CA8: variants seen among roughly 807,000 people sequenced by gnomAD.
The protein encoded by CA8 is carbonic anhydrase-related protein.
CA8 carries 22 observed loss-of-function variants against 41.4 expected under a neutral mutation model. That is an observed-to-expected ratio of 0.53 (90% CI 0.38 to 0.76). The LOEUF (loss-of-function observed/expected upper bound fraction) is 0.76. Among genes scored for constraint, CA8 ranks in the 30% least tolerant of loss-of-function variants. CA8 has a pLI of 0.00. For synonymous variants in CA8, 121 were observed against 130.6 expected (o/e 0.93, Z 0.50); for missense variants, 270 against 352.8 (o/e 0.77, Z 1.88).
In CA8 at chr8:60,281,097, T is replaced by A. The variant is rs771220749; in HGVS notation, c.51A>T (p.Glu17Asp). 1 of 1,608,162 alleles carries A rather than the reference T, an allele frequency of 6.2e-7. No homozygotes were observed. ...CCTCCTCTTCTTCCTCCTCATCCTC[T>A]TCCTTCTCGGGGAAGGCGACGGTAT... ...IEDTVAFPEK[E>D]EDEEEEEEGV... Residue 17 changes from glutamate to aspartate, a missense_variant, in exon 1 of 9, where the codon GAA becomes GAT. Coordinates refer to ENST00000317995, the MANE Select transcript of CA8 (RefSeq NM_004056.6).
intron 7 of CA8, among the ~76,000 whole-genome samples, chr8:60,219,808 A>G (rs1469697126): frequency 1.3e-5 from 2 of 152,074 alleles, no homozygotes; most frequent in East Asian, 3.9e-4. Flanking sequence ...CTAGGCCTCA[A>G]TCACCTCATC....
intron 7 of CA8, among the ~76,000 whole-genome samples, chr8:60,217,677 C>T (rs945154347): frequency 6.6e-6 from 1 of 152,192 alleles, no homozygotes; most frequent in Non-Finnish European, 1.5e-5. Flanking sequence ...ATGAAGGCTG[C>T]TCTTCCTCCT....
chr8:60,210,357 A>G (rs11998400), intron 7 of CA8, among the ~76,000 whole-genome samples: 55,803 of 152,072 alleles, frequency 0.37, 10,701 homozygotes, highest in Admixed American at 0.45. Flanking sequence ...ATTCATAAAG[A>G]GAAATGAAAC....
rs1019444020 is a variant in CA8 at position 60,187,692 on chromosome 8, A to C, written c.*2329T>G. 4.6e-5 allele frequency: 7 copies of C among 152,192 alleles called. No individual in the cohort carries two copies. The highest frequency in any genetic ancestry group is 8.8e-5 in the Non-Finnish European group (6 of 68,010). 9.4% of individuals were successfully genotyped at this position (152,192 alleles called of 1,614,324 possible). ...CACACCATCAGGTACGTTAGTTACC[A>C]TGAATCAGAGGCACTTACATGTGTA... On this transcript the variant is annotated 3_prime_UTR_variant, in exon 9 of 9. Transcript: ENST00000317995.
At chr8:60,215,183 A>G (rs1806972609) in intron 7 of CA8, among the ~76,000 whole-genome samples, 2 of 152,178 alleles carry the variant, frequency 1.3e-5, no homozygotes, top group African/African-American at 4.8e-5. Flanking sequence ...TTCTGTTGTT[A>G]GATTTGGTAA....
At chr8:60,228,219 T>C (rs143623891) in intron 4 of CA8, among the ~76,000 whole-genome samples, 3 of 152,348 alleles carry the variant, frequency 2.0e-5, no homozygotes, top group African/African-American at 7.2e-5. Flanking sequence ...TCCAAGAGTC[T>C]ACAATTATTC....
intron 1 of CA8, 39 bp from the exon 2 acceptor site, chr8:60,279,919 A>G: frequency 1.3e-6 from 2 of 1,526,614 alleles, no homozygotes; most frequent in Non-Finnish European, 1.8e-6. Context: ...CAGGTTAAAA[A>G]ATAAATTACA....
At chr8:60,224,276 A>G (rs1246883705) in intron 6 of CA8, among the ~76,000 whole-genome samples, 8 of 152,212 alleles carry the variant, frequency 5.3e-5, no homozygotes, top group Non-Finnish European at 1.5e-5. Context: ...GATGCTTTAC[A>G]CAGAGGTAGC....
rs1179783851 is a variant in CA8, at chr8:60,279,813, T to C, written c.168A>G (p.Ser56=). The C allele has an allele frequency of 1.9e-6, 3 of 1,613,914 alleles. No homozygotes were observed. The highest frequency in any genetic ancestry group is 2.5e-6 in the Non-Finnish European group (3 of 1,179,958). ...GEYQSPINLN[S]REARYDPSLL... ...GCGAGGGGTCATACCTAGCCTCTCT[T>C]GAGTTTAGGTTAATAGGAGACTGGT... is the stretch of plus-strand genomic sequence containing the variant. The change falls in exon 2 of 9, where the codon TCA becomes TCG. Residue 56 remains serine, a synonymous_variant. Coordinates refer to ENST00000317995, the MANE Select transcript of CA8 (RefSeq NM_004056.6).
At chr8:60,280,842 A>G (rs1015927157) in intron 1 of CA8, among the ~76,000 whole-genome samples, 9 of 152,180 alleles carry the variant, frequency 5.9e-5, no homozygotes, top group African/African-American at 1.9e-4. Context: ...CAGGCGGCGG[A>G]AGAGCGCAGG....
intron 3 of CA8, among the ~76,000 whole-genome samples, chr8:60,256,276 T>A (rs1456583238): frequency 6.6e-6 from 1 of 152,184 alleles, no homozygotes; most frequent in Non-Finnish European, 1.5e-5. Context: ...AATATCCTTA[T>A]GTACTAATGA....
chr8:60,281,120 T>C lies in CA8; in HGVS notation c.28A>G (p.Thr10Ala), dbSNP rs1340130651. 6.3e-7 allele frequency: 1 copy of C among 1,592,568 alleles called. No homozygotes were observed. Among genetic ancestry groups the C allele is most frequent in the South Asian group, 1.1e-5 (1 of 87,604 alleles). ...TCTTCCTTCTCGGGGAAGGCGACGG[T>C]ATCTTCGATGAAGCTCAGGTCCGCC... MADLSFIED[T>A]VAFPEKEEDE... The change falls in exon 1 of 9, where the codon ACC becomes GCC. Residue 10 changes from threonine to alanine, a missense_variant. Physicochemically the swap from Thr to Ala is moderately conservative, Grantham distance 58. Around this residue, in one of 3 missense-constraint regions of CA8, gnomAD observed 123 missense variants for 136.8 expected, o/e 0.90. Coordinates refer to ENST00000317995, the MANE Select transcript of CA8 (RefSeq NM_004056.6).
At chr8:60,208,425 C>A (rs568654356) in intron 8 of CA8, 1 of 321,652 alleles carries the variant, frequency 3.1e-6, no homozygotes, top group Non-Finnish European at 6.0e-6. Context: ...TTCACGGGGA[C>A]AACATGGTAA....
rs945711633 is a variant in CA8 at position 60,187,033 on chromosome 8, A to G, written c.*2988T>C. On this transcript the variant is annotated 3_prime_UTR_variant, in exon 9 of 9. Transcript: ENST00000317995. ...ACAGCATCCAACAACAGTACAATAC[A>G]TACTCTTAAGTACACATGGATTATT... is the stretch of plus-strand genomic sequence containing the variant. Among the ~76,000 whole-genome samples the G allele has an allele frequency of 2.6e-5, 4 of 152,208 alleles. No individual in the cohort carries two copies. The highest frequency in any genetic ancestry group is 9.6e-5 in the African/African-American group (4 of 41,578).
Position 60,255,726 on chromosome 8 carries a change from C to A in CA8, c.417+10199G>T, listed in dbSNP as rs534638005. ...TAAACTCAGGTTCTTCTATTCATTT[C>A]AGGTTTCTTAAAGAACAAAACTATA... On this transcript the variant is annotated intron_variant, in intron 3 of 8. Transcript: ENST00000317995. Among the ~76,000 whole-genome samples the A allele has an allele frequency of 8.5e-5, 13 of 152,262 alleles. No individual in the cohort carries two copies. In the East Asian group the frequency reaches 2.1e-3, roughly 25 times the overall value.
intron 3 of CA8, among the ~76,000 whole-genome samples, chr8:60,255,487 A>G (rs1808602604): frequency 6.6e-6 from 1 of 152,218 alleles, no homozygotes; most frequent in Non-Finnish European, 1.5e-5. Context: ...ATATTCCTGG[A>G]AAATGCATTA....
chr8:60,256,809 G>C (rs1015199719), intron 3 of CA8, among the ~76,000 whole-genome samples: 1 of 151,836 alleles, frequency 6.6e-6, no homozygotes, highest in Admixed American at 6.6e-5. Context: ...AGGTGTGTCA[G>C]GAAAAATGAC....
chr8:60,191,859 C>T (rs779215923), intron 8 of CA8, among the ~76,000 whole-genome samples: 3 of 152,104 alleles, frequency 2.0e-5, no homozygotes, highest in Non-Finnish European at 4.4e-5. Context: ...CAGAATTTAA[C>T]ATTTAGTATA....
chr8:60,269,602 T>A (rs1804004804), intron 2 of CA8, among the ~76,000 whole-genome samples: 1 of 152,242 alleles, frequency 6.6e-6, no homozygotes, highest in Non-Finnish European at 1.5e-5. Context: ...TACATTTATC[T>A]AAATCTATCT....
Sources: gnomAD v4.1 joint callset for allele counts (sites outside exome capture counted in the v4.1 genomes callset) on GRCh38, gnomAD v4.1.1 for gene constraint, gnomAD v4.1.1 regional missense constraint, MANE v1.5 for transcripts, NCBI Gene and HGNC (gene_info 2026-07-23, HGNC 2026-07-21) for gene names.